The following BLTP1 variants were observed in gnomAD, a reference collection of about 807,000 sequenced individuals.
BLTP1 encodes fragile site-associated protein.
At chr4:122,291,880 C>G in the BLTP1 span, 18 of 928,094 alleles carry the variant, frequency 1.9e-5, no homozygotes, top group Non-Finnish European at 2.2e-5. Context: ...TTAAACTTTT[C>G]TTTCTGAAAC....
the BLTP1 span, among the ~76,000 whole-genome samples, chr4:122,252,318 C>T: frequency 1.3e-5 from 2 of 152,168 alleles, no homozygotes; most frequent in Non-Finnish European, 2.9e-5. Context: ...GCCAGCACAG[C>T]CACAATGTGC....
chr4:122,289,799 GCTCATGGATTA>G, the BLTP1 span: 1 of 981,892 alleles, frequency 1.0e-6, no homozygotes, highest in Non-Finnish European at 1.2e-6. Flanking sequence ...TTTCCTTTAT[GCTCATGGATTA>G]ATTCATTCAT....
At chr4:122,209,871 A>G in the BLTP1 span, 2 of 1,613,558 alleles carry the variant, frequency 1.2e-6, no homozygotes, top group Admixed American at 1.7e-5. Context: ...ACAATTGATT[A>G]TACATGGCAT....
the BLTP1 span, chr4:122,313,733 T>G: frequency 9.0e-7 from 1 of 1,111,816 alleles, no homozygotes; most frequent in Admixed American, 2.1e-5. Flanking sequence ...GAATTCTGCC[T>G]TTATTTTAAT....
the BLTP1 span, among the ~76,000 whole-genome samples, chr4:122,330,307 T>C: frequency 2.0e-5 from 3 of 151,932 alleles, no homozygotes; most frequent in South Asian, 6.2e-4. Context: ...CTCCATACTA[T>C]TTTCCCTAGC....
At chr4:122,185,905 A>G in the BLTP1 span, 8 of 621,706 alleles carry the variant, frequency 1.3e-5, no homozygotes, top group Non-Finnish European at 1.9e-5. Flanking sequence ...TTTTATTAAT[A>G]TGCTTCTCTG....
chr4:122,169,998 G>C, the BLTP1 span: 5 of 985,204 alleles, frequency 5.1e-6, no homozygotes, highest in African/African-American at 8.7e-5. Flanking sequence ...TCTGATTGTT[G>C]AGATGTTTTT....
the BLTP1 span, among the ~76,000 whole-genome samples, chr4:122,218,965 CCCCCAAAGGATGTCCT>C: frequency 6.6e-6 from 1 of 152,178 alleles, no homozygotes; most frequent in African/African-American, 2.4e-5. Flanking sequence ...TGAATTGCTT[CCCCCAAAGGATGTCCT>C]CGGTATTGCC....
chr4:122,281,695 T>C, the BLTP1 span: 3 of 1,612,358 alleles, frequency 1.9e-6, no homozygotes, highest in African/African-American at 2.7e-5. Context: ...TGTTAGATGG[T>C]ATAGCCATTG....
chr4:122,170,666 G>T, the BLTP1 span: 1 of 1,576,058 alleles, frequency 6.3e-7, no homozygotes, highest in Admixed American at 1.8e-5. Context: ...AAGGAAGAAT[G>T]AGAGTATTGT....
At chr4:122,233,792 A>G in the BLTP1 span, among the ~76,000 whole-genome samples, 1 of 152,158 alleles carries the variant, frequency 6.6e-6, no homozygotes, top group Non-Finnish European at 1.5e-5. Flanking sequence ...ATAACACTTA[A>G]TACAATTTAT....
At chr4:122,302,223 T>C in the BLTP1 span, 1 of 963,982 alleles carries the variant, frequency 1.0e-6, no homozygotes, top group Non-Finnish European at 1.2e-6. Context: ...TGAAACATAA[T>C]GGGAAAAAAT....
chr4:122,346,441 A>G, the BLTP1 span: 1 of 984,396 alleles, frequency 1.0e-6, no homozygotes, highest in Non-Finnish European at 1.2e-6. Context: ...ACCTCAAAAA[A>G]GGGAAGTGGT....
chr4:122,324,621 T>A, the BLTP1 span: 1 of 1,068,036 alleles, frequency 9.4e-7, no homozygotes, highest in Non-Finnish European at 1.3e-6. Context: ...GTTCTAATTA[T>A]AAAATTAAGA....
the BLTP1 span, chr4:122,197,279 G>A: frequency 6.8e-7 from 1 of 1,462,352 alleles, no homozygotes; most frequent in Admixed American, 2.3e-5. Context: ...AAAATGGTAA[G>A]CTGCAACTGT....
At chr4:122,226,627 C>T in the BLTP1 span, 3 of 1,578,340 alleles carry the variant, frequency 1.9e-6, no homozygotes, top group East Asian at 2.3e-5. Flanking sequence ...GCTACGTTAA[C>T]ATTCTTCAGA....
chr4:122,224,351 A>T, the BLTP1 span: 1 of 859,672 alleles, frequency 1.2e-6, no homozygotes, highest in Non-Finnish European at 1.8e-6. Flanking sequence ...TGCGGGTACA[A>T]GGTTGTGTTA....
At chr4:122,259,108 T>A in the BLTP1 span, among the ~76,000 whole-genome samples, 14 of 152,310 alleles carry the variant, frequency 9.2e-5, no homozygotes, top group Non-Finnish European at 1.8e-4. Flanking sequence ...AATCCCAAAT[T>A]GAAAATGTTG....
At chr4:122,252,647 C>A in the BLTP1 span, among the ~76,000 whole-genome samples, 31 of 152,128 alleles carry the variant, frequency 2.0e-4, no homozygotes, top group Non-Finnish European at 4.1e-4. Flanking sequence ...AATAAAACAC[C>A]AAGTAGATTT....
Sources: allele counts gnomAD v4.1 joint callset (sites outside exome capture counted in the v4.1 genomes callset), GRCh38; gene constraint gnomAD v4.1.1; transcripts MANE v1.5; gene names NCBI Gene and HGNC (gene_info 2026-07-23, HGNC 2026-07-21).